DNAH17: variants seen among roughly 807,000 people sequenced by gnomAD.
DNAH17 encodes the protein dynein axonemal heavy chain 17, also known as axonemal beta dynein heavy chain 17.
A neutral mutation model predicts 485.6 loss-of-function variants in DNAH17; 376 were observed. The observed-to-expected ratio is 0.77, with a 90% confidence interval of 0.71 to 0.84. The LOEUF (loss-of-function observed/expected upper bound fraction) is 0.84. Ranked by LOEUF, DNAH17 falls within the 40% of genes least tolerant of loss-of-function variation. The pLI is 0.00. For synonymous variants in DNAH17, 3,031 were observed against 2,405.9 expected, an observed-to-expected ratio of 1.26 and a Z score of -7.60; for missense variants, 6,370 against 5,839.3, an observed-to-expected ratio of 1.09 and a Z score of -2.96.
In DNAH17 at chr17:78,571,346, C is replaced by G; in HGVS notation, c.765G>C (p.Glu255Asp). The G allele has an allele frequency of 1.2e-6, 2 of 1,613,952 alleles. No individual in the cohort carries two copies. The highest frequency in any genetic ancestry group is 1.7e-6 in the Non-Finnish European group (2 of 1,179,842). ...LNRPKVNKIV[E>D]ILEKAKSCYW... is the part of the protein sequence containing the mutation. ...AGCAGCTTTTGGCTTTCTCTAGGAT[C>G]TCAACAATCTTGTTCACTTTGGGTC... Residue 255 changes from glutamate (E) to aspartate (D), a missense_variant, in exon 5 of 81, where the codon GAG becomes GAC. Physicochemically the swap from Glu to Asp is conservative, Grantham distance 45. Transcript: ENST00000389840.
At chr17:78,451,702 G>A (rs770497958) in intron 65 of DNAH17, 29 bp from the exon 66 acceptor site, 32 of 1,529,628 alleles carry the variant, frequency 2.1e-5, no homozygotes, top group Non-Finnish European at 2.8e-5. Context: ...AAGGGTTAGT[G>A]GGCCTCCCAG....
intron 75 of DNAH17, among the ~76,000 whole-genome samples, chr17:78,430,216 G>A (rs927102470): frequency 7.2e-5 from 11 of 152,230 alleles, no homozygotes; most frequent in African/African-American, 2.4e-4. Context: ...CAGTTCAGCA[G>A]AAGGACGGTG....
intron 48 of DNAH17, among the ~76,000 whole-genome samples, chr17:78,481,945 G>A (rs930213709): frequency 5.9e-5 from 9 of 152,224 alleles, no homozygotes; most frequent in African/African-American, 2.2e-4. Context: ...AACCTGGGAG[G>A]TGGAGGCTGC....
At chr17:78,510,330 G>A (rs1202402229) in intron 27 of DNAH17, 54 bp downstream of exon 27, 4 of 1,592,118 alleles carry the variant, frequency 2.5e-6, no homozygotes, top group South Asian at 1.1e-5. Flanking sequence ...GGTTGGAGGG[G>A]GCAGTTTCAG....
rs555619536 is a variant in DNAH17 at position 78,490,584 on chromosome 17, G to A, written c.6818+115C>T. The A allele has an allele frequency of 1.7e-5, 24 of 1,408,554 alleles. No homozygotes were observed. The African/African-American group carries it at 3.1e-4, about 18-fold the overall frequency. 87.3% of individuals were successfully genotyped at this position (1,408,554 alleles called of 1,614,324 possible). Reference sequence around the variant, plus strand: ...GCTGTGACACTGGTGCCTGGTGAGGGCCTGATACACAGTTTGTGACATGAA... The same window carrying A: ...GCTGTGACACTGGTGCCTGGTGAGGACCTGATACACAGTTTGTGACATGAA... On this transcript the variant is annotated intron_variant, in intron 44 of 80. Transcript: ENST00000389840.
rs1006204825 is a variant in DNAH17 at position 78,532,813 on chromosome 17, T to C, written c.2860-77A>G. On this transcript the variant is annotated intron_variant, in intron 19 of 80. Transcript: ENST00000389840. ...AATTTAGGTGTTGTCCTCTCGGCCTTGAGAAGTGGTTCTCTGTTGGCGAAA... is the reference window on the plus strand; with the variant it reads ...AATTTAGGTGTTGTCCTCTCGGCCTCGAGAAGTGGTTCTCTGTTGGCGAAA... 22 of 1,437,016 alleles carry C rather than the reference T, an allele frequency of 1.5e-5. No individual in the cohort carries two copies. In the Admixed American group the frequency reaches 5.2e-4, roughly 34 times the overall value. The allele number at this position is 1,437,016 out of a possible 1,614,324, so 89.0% of individuals were successfully genotyped here.
chr17:78,548,096 C>T (rs947299235), intron 16 of DNAH17, among the ~76,000 whole-genome samples: 2 of 151,732 alleles, frequency 1.3e-5, no homozygotes, highest in Non-Finnish European at 2.9e-5. Flanking sequence ...TATTTTAATT[C>T]TGCTTTTGCA....
chr17:78,440,120 A>G (rs2087012684), intron 72 of DNAH17, among the ~76,000 whole-genome samples: 1 of 152,086 alleles, frequency 6.6e-6, no homozygotes, highest in Admixed American at 6.6e-5. Flanking sequence ...TTATCTGTAG[A>G]GACAAGCTCT....
chr17:78,556,043 G>T (rs2092014405), intron 14 of DNAH17, among the ~76,000 whole-genome samples: 3 of 152,136 alleles, frequency 2.0e-5, no homozygotes. Context: ...AATTGCGTGA[G>T]GCAATTCCTC....
At chr17:78,425,643 C>A in intron 79 of DNAH17, 72 bp from the exon 80 acceptor site, 1 of 1,400,844 alleles carries the variant, frequency 7.1e-7, no homozygotes. Flanking sequence ...CTTGGCCGTT[C>A]TGAGCAGGGG....
chr17:78,538,904 GC>G (rs1025108450), intron 18 of DNAH17, among the ~76,000 whole-genome samples: 11 of 152,090 alleles, frequency 7.2e-5, no homozygotes, highest in Non-Finnish European at 1.5e-4. Flanking sequence ...TGGCCTCCTG[GC>G]GGTACTCAAA....
At chr17:78,465,411 C>T (rs925114588) in intron 56 of DNAH17, among the ~76,000 whole-genome samples, 1 of 148,968 alleles carries the variant, frequency 6.7e-6, no homozygotes, top group Admixed American at 6.7e-5. Flanking sequence ...ATGTGAGGAG[C>T]CCCTCTGCCT....
rs1284106372 is a variant in DNAH17 at position 78,526,970 on chromosome 17, G to T, written c.3534C>A (p.Thr1178=). 2 of 1,586,526 alleles carry T rather than the reference G, an allele frequency of 1.3e-6. No individual in the cohort carries two copies. Among genetic ancestry groups the T allele is most frequent in the Non-Finnish European group, 1.7e-6 (2 of 1,166,296 alleles). ...GCTTCACCTGAATGGCCAGTTTCTT[G>T]GTATTTGCCCAGTGCTCCGGCAGCT... ...LQELPEHWAN[T]KKLAIQVKLT... is the part of the protein sequence containing the mutation. The change falls in exon 23 of 81, where the codon ACC becomes ACA. Residue 1178 remains threonine, a synonymous_variant. Transcript: ENST00000389840.
chr17:78,516,855 T>C (rs1033477014), intron 25 of DNAH17, among the ~76,000 whole-genome samples: 2 of 152,128 alleles, frequency 1.3e-5, no homozygotes, highest in African/African-American at 4.8e-5. Flanking sequence ...TATGTAGACT[T>C]GGTATGGTCA....
In DNAH17 at chr17:78,532,567, C is replaced by T. The variant is rs1310292050; in HGVS notation, c.3029G>A (p.Cys1010Tyr). 5.0e-6 allele frequency: 8 copies of T among 1,609,976 alleles called. No individual in the cohort carries two copies. Among genetic ancestry groups the T allele is most frequent in the Non-Finnish European group, 6.8e-6 (8 of 1,178,240 alleles). Residue 1010 changes from cysteine to tyrosine, a missense_variant, in exon 20 of 81, where the codon TGT becomes TAT. Coordinates refer to ENST00000389840, the MANE Select transcript of DNAH17 (RefSeq NM_173628.4). The stretch of plus-strand genomic sequence containing the variant: ...GTCCAAGTCCTCCGCAGTGACTGCA[C>T]ACCCATATATCAGGAAATTCTTCAT... ...EFMKNFLIYG[C>Y]AVTAEDLDTW...
chr17:78,550,000 C>T (rs1418699646), intron 16 of DNAH17, among the ~76,000 whole-genome samples: 3 of 152,172 alleles, frequency 2.0e-5, no homozygotes, highest in Non-Finnish European at 2.9e-5. Context: ...GACCCCTTGG[C>T]ATGAAACAAA....
chr17:78,551,305 C>T (rs1047440180), intron 16 of DNAH17, among the ~76,000 whole-genome samples: 5 of 152,202 alleles, frequency 3.3e-5, no homozygotes, highest in Non-Finnish European at 7.3e-5. Context: ...ACAGAGGGGG[C>T]CTTGTGGAGC....
At chr17:78,574,073 G>C (rs1598754113) in intron 2 of DNAH17, among the ~76,000 whole-genome samples, 2 of 152,144 alleles carry the variant, frequency 1.3e-5, no homozygotes, top group South Asian at 4.1e-4. Context: ...ACCTTCCCAG[G>C]CCATGGGCAG....
chr17:78,478,759 TATC>T (rs538445983), intron 51 of DNAH17: 120 of 424,756 alleles, frequency 2.8e-4, no homozygotes, highest in Middle Eastern at 1.8e-3. Context: ...CCACCATCAC[TATC>T]ATCATCACAT....
Sources: allele counts gnomAD v4.1 joint callset (sites outside exome capture counted in the v4.1 genomes callset), GRCh38; gene constraint gnomAD v4.1.1; transcripts MANE v1.5; gene names NCBI Gene and HGNC (gene_info 2026-07-23, HGNC 2026-07-21).